The following SPOCK1 variants were observed in gnomAD, a reference collection of about 807,000 sequenced individuals.
SPOCK1 encodes the protein testican-1.
A neutral mutation model predicts 55.3 loss-of-function variants in SPOCK1; 23 were observed. The ratio of observed to expected loss-of-function variants is 0.42; its 90% CI spans 0.30 to 0.59. The LOEUF (loss-of-function observed/expected upper bound fraction) is 0.59. Ranked by LOEUF, SPOCK1 falls within the 20% of genes least tolerant of loss-of-function variation. SPOCK1 has a pLI of 0.22. For missense variants in SPOCK1, 499 were observed against 552.5 expected, an observed-to-expected ratio of 0.90 and a Z score of 0.97; for synonymous variants, 226 against 221.0, an observed-to-expected ratio of 1.02 and a Z score of -0.20.
chr5:137,161,136 G>GTA (rs1350730556), intron 3 of SPOCK1, among the ~76,000 whole-genome samples: 2 of 145,554 alleles, frequency 1.4e-5, no homozygotes, highest in African/African-American at 2.5e-5. Flanking sequence ...TATTCCTAGA[G>GTA]TATATATATC....
At chr5:137,431,514 T>G (rs988660616) in intron 2 of SPOCK1, among the ~76,000 whole-genome samples, 2 of 152,198 alleles carry the variant, frequency 1.3e-5, no homozygotes, top group Non-Finnish European at 2.9e-5. Context: ...AAAACTCATG[T>G]CTAAATTTGA....
At chr5:137,403,654 G>C (rs1460982491) in intron 2 of SPOCK1, among the ~76,000 whole-genome samples, 1 of 140,584 alleles carries the variant, frequency 7.1e-6, no homozygotes, top group East Asian at 2.2e-4. Flanking sequence ...GTGAGGAAGT[G>C]AGAGAATTGG....
intron 3 of SPOCK1, among the ~76,000 whole-genome samples, chr5:137,231,048 C>CTT (rs11367897): frequency 2.8e-4 from 42 of 148,194 alleles, no homozygotes; most frequent in East Asian, 2.8e-3. Flanking sequence ...GTGTTACCCC[C>CTT]TTTTTTTTTT....
intron 2 of SPOCK1, among the ~76,000 whole-genome samples, chr5:137,295,006 C>A (rs1027259872): frequency 6.6e-6 from 1 of 152,142 alleles, no homozygotes; most frequent in African/African-American, 2.4e-5. Context: ...TTATTTTTCT[C>A]TGTAGGATTC....
Position 137,095,651 on chromosome 5 carries a change from C to T in SPOCK1, c.474+16784G>A, listed in dbSNP as rs569363911. ...TACACACTGCACACAGGCCCACCAGCACTGCTCCTATGACAGCCAGGCTGG... is the reference window on the plus strand; with the variant it reads ...TACACACTGCACACAGGCCCACCAGTACTGCTCCTATGACAGCCAGGCTGG... On this transcript the variant is annotated intron_variant, in intron 5 of 10. Coordinates refer to ENST00000394945, the MANE Select transcript of SPOCK1 (RefSeq NM_004598.4). Among the ~76,000 whole-genome samples the T allele has an allele frequency of 3.3e-5, 5 of 152,348 alleles. No individual in the cohort carries two copies. The South Asian group carries it at 1.0e-3, about 32-fold the overall frequency.
At chr5:137,261,534 C>G (rs1756742706) in intron 3 of SPOCK1, among the ~76,000 whole-genome samples, 1 of 152,182 alleles carries the variant, frequency 6.6e-6, no homozygotes, top group Admixed American at 6.5e-5. Context: ...TTCTTCTATT[C>G]ACGAGAACAG....
chr5:137,412,135 A>G (rs1752220632), intron 2 of SPOCK1, among the ~76,000 whole-genome samples: 1 of 152,138 alleles, frequency 6.6e-6, no homozygotes, highest in Non-Finnish European at 1.5e-5. Context: ...GTCCTCATGT[A>G]TTACTTCTCT....
At chr5:137,245,583 G>T (rs2961629) in intron 3 of SPOCK1, among the ~76,000 whole-genome samples, 10,219 of 152,094 alleles carry the variant, frequency 0.067, 1,054 homozygotes, top group African/African-American at 0.23. Flanking sequence ...AAAGCACAAG[G>T]TCCAGATGAA....
intron 5 of SPOCK1, among the ~76,000 whole-genome samples, chr5:137,088,487 A>G (rs1753000127): frequency 6.6e-6 from 1 of 152,218 alleles, no homozygotes; most frequent in Non-Finnish European, 1.5e-5. Context: ...ACTTGTAAAG[A>G]AAGATAAAAA....
intron 3 of SPOCK1, among the ~76,000 whole-genome samples, chr5:137,140,936 T>G (rs1013563587): frequency 2.0e-5 from 3 of 151,902 alleles, no homozygotes; most frequent in Non-Finnish European, 1.5e-5. Context: ...ATTTTTGTAT[T>G]TTTAATAGAG....
chr5:137,046,295 T>C (rs1752103580), intron 6 of SPOCK1, among the ~76,000 whole-genome samples: 2 of 120,718 alleles, frequency 1.7e-5, no homozygotes, highest in South Asian at 7.4e-4. Flanking sequence ...TGTTCTTCCA[T>C]TTGTTTGTGT....
At chr5:137,162,050 CT>C (rs1190106494) in intron 3 of SPOCK1, among the ~76,000 whole-genome samples, 1 of 151,350 alleles carries the variant, frequency 6.6e-6, no homozygotes, top group African/African-American at 2.4e-5. Flanking sequence ...GTTTTTCTTT[CT>C]TTCTTTTCCT....
intron 3 of SPOCK1, among the ~76,000 whole-genome samples, chr5:137,260,376 G>A (rs1197854245): frequency 2.6e-5 from 4 of 152,170 alleles, no homozygotes; most frequent in East Asian, 1.9e-4. Context: ...TAATTCATTA[G>A]ATCTACAACT....
intron 2 of SPOCK1, among the ~76,000 whole-genome samples, chr5:137,344,870 A>G (rs893592653): frequency 2.6e-5 from 4 of 152,182 alleles, no homozygotes; most frequent in Non-Finnish European, 4.4e-5. Flanking sequence ...TTTTGATGCA[A>G]GTGTTTCCTG....
At chr5:137,140,055 G>A (rs756826649) in intron 4 of SPOCK1, among the ~76,000 whole-genome samples, 1 of 152,186 alleles carries the variant, frequency 6.6e-6, no homozygotes, top group Non-Finnish European at 1.5e-5. Flanking sequence ...TGAGGAAATA[G>A]CATGTTCCCA....
At chr5:137,386,485 A>G (rs1302422101) in intron 2 of SPOCK1, among the ~76,000 whole-genome samples, 2 of 152,240 alleles carry the variant, frequency 1.3e-5, no homozygotes, top group African/African-American at 4.8e-5. Flanking sequence ...TCCATAATCA[A>G]GACAGCACAT....
At chr5:137,263,137 A>T (rs964089270) in intron 3 of SPOCK1, among the ~76,000 whole-genome samples, 1 of 152,208 alleles carries the variant, frequency 6.6e-6, no homozygotes, top group Non-Finnish European at 1.5e-5. Flanking sequence ...TGCCAAATAC[A>T]TTACCTCCTC....
At chr5:137,207,100 C>T (rs1755532479) in intron 3 of SPOCK1, among the ~76,000 whole-genome samples, 2 of 152,252 alleles carry the variant, frequency 1.3e-5, no homozygotes. Flanking sequence ...AACAGATTTT[C>T]CCAGCTCCAG....
chr5:137,221,088 A>G (rs1001082801), intron 3 of SPOCK1, among the ~76,000 whole-genome samples: 1 of 152,340 alleles, frequency 6.6e-6, no homozygotes, highest in South Asian at 2.1e-4. Context: ...AAACCCAAAT[A>G]TCTATGTAGA....
Sources: gnomAD v4.1 joint callset for allele counts (sites outside exome capture counted in the v4.1 genomes callset) on GRCh38, gnomAD v4.1.1 for gene constraint, MANE v1.5 for transcripts, NCBI Gene and HGNC (gene_info 2026-07-23, HGNC 2026-07-21) for gene names.